The following TWF1 variants were observed in gnomAD, a reference collection of about 807,000 sequenced individuals.
TWF1 encodes the protein twinfilin actin binding protein 1.
In TWF1, 14 loss-of-function variants were observed where a neutral mutation model predicts 47.9. The observed-to-expected ratio is 0.29, with a 90% CI of 0.19 to 0.46. TWF1 has a LOEUF of 0.46. TWF1 is among the 20% of genes least tolerant of loss of function. The pLI is 1.00. For missense variants in TWF1, 281 were observed against 409.3 expected, an observed-to-expected ratio of 0.69 and a Z score of 2.70; for synonymous variants, 96 against 139.2, an observed-to-expected ratio of 0.69 and a Z score of 2.18.
intron 2 of TWF1, 113 bp from the exon 3 acceptor site, chr12:43,802,577 A>C: frequency 1.2e-6 from 1 of 800,476 alleles, no homozygotes. Context: ...TATTATTCAC[A>C]TCAAAAAGTT....
intron 7 of TWF1, 24 bp from the exon 8 acceptor site, chr12:43,797,121 T>C: frequency 6.4e-7 from 1 of 1,565,430 alleles, no homozygotes; most frequent in Non-Finnish European, 8.7e-7. Context: ...TAATAACAAA[T>C]ATAATTAGCA....
At chr12:43,803,371 G>C (rs562374387) in intron 2 of TWF1, among the ~76,000 whole-genome samples, 1 of 152,188 alleles carries the variant, frequency 6.6e-6, no homozygotes, top group Admixed American at 6.5e-5. Flanking sequence ...ATTGTTTAAA[G>C]GGGATGCTCT....
At chr12:43,802,533 T>A in intron 2 of TWF1, 69 bp from the exon 3 acceptor site, 1 of 1,148,406 alleles carries the variant, frequency 8.7e-7, no homozygotes, top group Non-Finnish European at 1.3e-6. Flanking sequence ...TGATGAAGAC[T>A]AGAAAAATAA....
chr12:43,805,164 C>T (rs1343538929), intron 1 of TWF1, among the ~76,000 whole-genome samples: 1 of 152,198 alleles, frequency 6.6e-6, no homozygotes, highest in African/African-American at 2.4e-5. Context: ...CCTATTAAAG[C>T]TTCAATTTCG....
At position 43,795,729 on chromosome 12, in the gene TWF1, C is replaced by G; in HGVS notation, c.909G>C (p.Leu303Phe). The G allele has an allele frequency of 6.2e-7, 1 of 1,613,862 alleles. No individual in the cohort carries two copies. The highest frequency in any genetic ancestry group is 1.7e-5 in the Admixed American group (1 of 60,020). Residue 303 changes from leucine to phenylalanine, a missense_variant, in exon 9 of 9, where the codon TTG becomes TTC. By Grantham distance (22) the Leu-to-Phe change is conservative (BLOSUM62 0). Transcript: ENST00000395510. ...RKIEIDNGDE[L>F]TADFLYEEVH... ...CTTCTTCATAAAGGAAGTCTGCAGT[C>G]AACTCATCCCCATTGTCTATCTCGA...
In TWF1 at chr12:43,806,072, C is replaced by A. The variant is rs757503442; in HGVS notation, c.25+149G>T. The A allele has an allele frequency of 1.5e-5, 23 of 1,516,848 alleles. 1 individual carries two copies. Among genetic ancestry groups the A allele is most frequent in the Non-Finnish European group, 1.9e-5 (22 of 1,135,460 alleles). 94.0% of individuals were successfully genotyped at this position (1,516,848 alleles called of 1,614,324 possible). A position where few individuals can be genotyped will look rare whatever the true frequency, so the allele number is the denominator to read the frequency against. ...GCCGGCAGCGCCCGGGAAGCAGGAG[C>A]GCGGAGAGGCGCCGAGGCCCGGCTC... On this transcript the variant is annotated intron_variant, in intron 1 of 8. Coordinates refer to ENST00000395510, the MANE Select transcript of TWF1 (RefSeq NM_002822.5).
intron 3 of TWF1, among the ~76,000 whole-genome samples, chr12:43,800,983 C>T (rs1942650667): frequency 6.6e-6 from 1 of 152,124 alleles, no homozygotes; most frequent in African/African-American, 2.4e-5. Flanking sequence ...AACTCCTGAC[C>T]TCTGGTGATC....
At chr12:43,796,882 T>C (rs531260396) in intron 8 of TWF1, 94 bp downstream of exon 8, 55 of 1,325,072 alleles carry the variant, frequency 4.2e-5, no homozygotes, top group Non-Finnish European at 5.7e-5. Context: ...GAAAAATAAA[T>C]ATTTTCATTT....
At chr12:43,805,936 G>C (rs898310259) in intron 1 of TWF1, 3 of 1,527,718 alleles carry the variant, frequency 2.0e-6, no homozygotes, top group Non-Finnish European at 2.6e-6. Context: ...ACGGTGGAAG[G>C]CACGCCCCCT....
At chr12:43,799,008 G>C (rs1432423566) in intron 5 of TWF1, among the ~76,000 whole-genome samples, 1 of 151,958 alleles carries the variant, frequency 6.6e-6, no homozygotes, top group Non-Finnish European at 1.5e-5. Context: ...TTAATTTGTA[G>C]ACTCTCTAGA....
rs533092448 is a variant in TWF1, at chr12:43,800,925, T to G, written c.283-395A>C. Among the ~76,000 whole-genome samples the G allele has an allele frequency of 8.5e-5, 13 of 152,270 alleles. No homozygotes were observed. In the East Asian group the frequency reaches 2.5e-3, roughly 29 times the overall value. On this transcript the variant is annotated intron_variant, in intron 3 of 8. Transcript: ENST00000395510. The stretch of plus-strand genomic sequence containing the variant: ...GCCACCACACTTGGCTAATTTTTTC[T>G]ATTTTTAGTACAGACGGGCTTTCAC...
chr12:43,797,267 T>A (rs373586493), intron 7 of TWF1, 35 bp downstream of exon 7: 1 of 1,546,370 alleles, frequency 6.5e-7, no homozygotes, highest in East Asian at 2.3e-5. Context: ...ATAAACAAAC[T>A]GAAAGTAATG....
intron 1 of TWF1, 132 bp from the exon 2 acceptor site, chr12:43,804,704 A>G (rs1245170210): frequency 3.6e-6 from 2 of 556,680 alleles, no homozygotes; most frequent in Non-Finnish European, 6.4e-6. Flanking sequence ...CAGTATTATA[A>G]AACTTTACCG....
intron 2 of TWF1, among the ~76,000 whole-genome samples, chr12:43,803,004 T>C (rs755202289): frequency 1.4e-4 from 22 of 152,160 alleles, no homozygotes; most frequent in Non-Finnish European, 2.6e-4. Context: ...AGTAAAACTG[T>C]TAATCTACTA....
In TWF1 at chr12:43,795,353, A is replaced by T. The variant is rs1942530271; in HGVS notation, c.*232T>A. ...AGTGTGGAATCAACGCTATGAAAACAGTGTGACAAAATTAAACATTATGTT... is the reference window on the plus strand; with the variant it reads ...AGTGTGGAATCAACGCTATGAAAACTGTGTGACAAAATTAAACATTATGTT... On this transcript the variant is annotated 3_prime_UTR_variant, in exon 9 of 9. Coordinates refer to ENST00000395510, the MANE Select transcript of TWF1 (RefSeq NM_002822.5). The T allele has an allele frequency of 2.2e-6, 1 of 452,938 alleles. No individual in the cohort carries two copies. Among genetic ancestry groups the T allele is most frequent in the Non-Finnish European group, 4.0e-6 (1 of 252,830 alleles). 28.1% of individuals were successfully genotyped at this position (452,938 alleles called of 1,614,324 possible). A position where few individuals can be genotyped will look rare whatever the true frequency, so the allele number is the denominator to read the frequency against.
At chr12:43,805,974 T>G (rs766896724) in intron 1 of TWF1, 1 of 1,544,828 alleles carries the variant, frequency 6.5e-7, no homozygotes, top group South Asian at 1.1e-5. Context: ...AAAGCCAATT[T>G]CCTTCGCTCC....
chr12:43,806,133 A>G lies in TWF1; in HGVS notation c.25+88T>C, dbSNP rs923401705. 9 of 1,526,728 alleles carry G rather than the reference A, an allele frequency of 5.9e-6. No homozygotes were observed. The African/African-American group carries it at 9.7e-5, about 16-fold the overall frequency. 94.6% of individuals were successfully genotyped at this position (1,526,728 alleles called of 1,614,324 possible). On this transcript the variant is annotated intron_variant, in intron 1 of 8. Transcript: ENST00000395510. ...ACCGACTTCCGGAGCTCCCGGCCCG[A>G]CTCCAGCCCTGCCGGTCCTGCAGCC...
chr12:43,798,487 TA>T (rs1171868311), intron 5 of TWF1: 5 of 1,406,180 alleles, frequency 3.6e-6, no homozygotes, highest in African/African-American at 1.5e-5. Flanking sequence ...ATTTTACTTT[TA>T]AAAAAATGAA....
chr12:43,797,231 A>G, intron 7 of TWF1, 71 bp downstream of exon 7: 1 of 1,496,352 alleles, frequency 6.7e-7, no homozygotes, highest in East Asian at 2.3e-5. Flanking sequence ...GCAAGAAATA[A>G]GTAAGAATAT....
Sources: allele counts gnomAD v4.1 joint callset (sites outside exome capture counted in the v4.1 genomes callset), GRCh38; gene constraint gnomAD v4.1.1; transcripts MANE v1.5; gene names NCBI Gene and HGNC (gene_info 2026-07-23, HGNC 2026-07-21).